UBE3C: variants seen among roughly 807,000 people sequenced by gnomAD.
UBE3C encodes the protein ubiquitin protein ligase E3C, also known as ubiquitin-protein ligase E3C.
A neutral mutation model predicts 129.4 loss-of-function variants in UBE3C; 42 were observed. The observed-to-expected ratio is 0.32, with a 90% CI of 0.25 to 0.42. UBE3C has a LOEUF of 0.42. Among genes scored for constraint, UBE3C ranks in the 10% least tolerant of loss-of-function variants. The pLI is 1.00. For missense variants in UBE3C, 1,049 were observed against 1,319.1 expected (o/e 0.80, Z 3.17); for synonymous variants, 510 against 492.4 (o/e 1.04, Z -0.47).
intron 19 of UBE3C, 39 bp downstream of exon 19, chr7:157,248,619 A>G: frequency 1.3e-6 from 2 of 1,593,644 alleles, no homozygotes. Context: ...CCTGTATAGC[A>G]AGTAGCAGCA....
At chr7:157,232,932 T>C (rs2116641594) in intron 18 of UBE3C, among the ~76,000 whole-genome samples, 1 of 152,290 alleles carries the variant, frequency 6.6e-6, no homozygotes, top group Admixed American at 6.5e-5. Context: ...CCTTTTAAAG[T>C]GTACAGTTCA....
chr7:157,231,386 T>C, intron 18 of UBE3C, 59 bp downstream of exon 18: 1 of 1,582,188 alleles, frequency 6.3e-7, no homozygotes, highest in Non-Finnish European at 8.6e-7. Context: ...CATTTTATGT[T>C]TATGTGTGGT....
chr7:157,202,446 C>CAGG (rs2116990217), intron 11 of UBE3C, among the ~76,000 whole-genome samples: 1 of 152,264 alleles, frequency 6.6e-6, no homozygotes, highest in Admixed American at 6.5e-5. Flanking sequence ...CACCTGAGGT[C>CAGG]AGGAGTTCAA....
intron 22 of UBE3C, among the ~76,000 whole-genome samples, chr7:157,264,448 C>T (rs1255685172): frequency 7.3e-6 from 1 of 136,222 alleles, no homozygotes; most frequent in South Asian, 2.4e-4. Context: ...TGTGAGCCAA[C>T]ATGCTCGGCC....
At chr7:157,169,619 G>T (rs1249334548) in intron 3 of UBE3C, among the ~76,000 whole-genome samples, 1 of 151,884 alleles carries the variant, frequency 6.6e-6, no homozygotes, top group Non-Finnish European at 1.5e-5. Flanking sequence ...CAAATGATTC[G>T]CCTGCCTTGG....
intron 11 of UBE3C, among the ~76,000 whole-genome samples, chr7:157,204,492 G>T (rs2116997652): frequency 6.6e-6 from 1 of 151,782 alleles, no homozygotes; most frequent in Non-Finnish European, 1.5e-5. Flanking sequence ...AGCTTATCAG[G>T]TAATCGAGGT....
At chr7:157,181,873 T>C (rs1196041008) in intron 7 of UBE3C, among the ~76,000 whole-genome samples, 1 of 152,238 alleles carries the variant, frequency 6.6e-6, no homozygotes, top group African/African-American at 2.4e-5. Flanking sequence ...AACATGGTTA[T>C]TTTCCTGCTT....
chr7:157,215,855 A>T (rs1203884826), intron 13 of UBE3C, among the ~76,000 whole-genome samples: 4 of 152,332 alleles, frequency 2.6e-5, no homozygotes, highest in Admixed American at 2.0e-4. Context: ...ATGCTATTAT[A>T]TCTCTTTAAT....
chr7:157,167,613 C>G (rs1398306755), intron 2 of UBE3C, among the ~76,000 whole-genome samples: 1 of 152,008 alleles, frequency 6.6e-6, no homozygotes, highest in Non-Finnish European at 1.5e-5. Flanking sequence ...TCTCGGCTCA[C>G]TGCAAGCTCC....
chr7:157,160,312 C>T (rs534771711), intron 1 of UBE3C, among the ~76,000 whole-genome samples: 7 of 152,142 alleles, frequency 4.6e-5, no homozygotes, highest in East Asian at 1.9e-4. Flanking sequence ...TGACCTCAGG[C>T]GATCTGCCGG....
At chr7:157,257,850 T>C (rs1796794045) in intron 22 of UBE3C, among the ~76,000 whole-genome samples, 1 of 151,436 alleles carries the variant, frequency 6.6e-6, no homozygotes, top group Non-Finnish European at 1.5e-5. Flanking sequence ...CACACAGTGG[T>C]ATATATATTA....
chr7:157,250,087 G>A (rs1796584080), intron 19 of UBE3C, among the ~76,000 whole-genome samples: 2 of 152,228 alleles, frequency 1.3e-5, no homozygotes, highest in African/African-American at 4.8e-5. Context: ...TGTGTGGTGA[G>A]AACAGGGGCA....
At chr7:157,229,419 A>T (rs1795962525) in intron 17 of UBE3C, among the ~76,000 whole-genome samples, 2 of 151,938 alleles carry the variant, frequency 1.3e-5, no homozygotes, top group Non-Finnish European at 2.9e-5. Context: ...GGTTCAAGCG[A>T]TTCTCCTGCC....
Position 157,170,301 on chromosome 7 carries a change from C to T in UBE3C, c.196-3C>T. The T allele has an allele frequency of 6.8e-7, 1 of 1,480,416 alleles. No homozygotes were observed. The highest frequency in any genetic ancestry group is 9.0e-7 in the Non-Finnish European group (1 of 1,116,008). The allele number at this position is 1,480,416 out of a possible 1,614,324, so 91.7% of individuals were successfully genotyped here. A position where few individuals can be genotyped will look rare whatever the true frequency, so the allele number is the denominator to read the frequency against. ...GGGTCATTTTGTTTTGTTTTTCTTC[C>T]AGTATTCCATCCAAAGAAGTGCATT... On this transcript the variant is annotated splice_polypyrimidine_tract_variant and splice_region_variant and intron_variant, in intron 3 of 22. Coordinates refer to ENST00000348165, the MANE Select transcript of UBE3C (RefSeq NM_014671.3).
At chr7:157,224,998 G>A (rs980417304) in intron 16 of UBE3C, among the ~76,000 whole-genome samples, 19 of 151,824 alleles carry the variant, frequency 1.3e-4, no homozygotes, top group Admixed American at 1.1e-3. Context: ...ATATTCTATC[G>A]CAAGGGGTTT....
intron 10 of UBE3C, among the ~76,000 whole-genome samples, chr7:157,200,906 G>A (rs1586683739): frequency 1.3e-5 from 2 of 152,142 alleles, no homozygotes; most frequent in African/African-American, 2.4e-5. Context: ...ATGAGCCACC[G>A]TGCCTGGCCT....
At chr7:157,217,226 A>C (rs541940288) in intron 14 of UBE3C, 106 of 300,536 alleles carry the variant, frequency 3.5e-4, no homozygotes, top group African/African-American at 2.0e-3. Flanking sequence ...TTAAAGCCTT[A>C]ATGATTCTTT....
chr7:157,269,311 T>TA lies in UBE3C; in HGVS notation c.*1557dup, dbSNP rs1797163193. ...GTTTTTTTCTCAGCTATTCTGAGCT[T>TA]ATTTATTTATTTGTATGTTCTAATG... On this transcript the variant is annotated 3_prime_UTR_variant, in exon 23 of 23. Coordinates refer to ENST00000348165, the MANE Select transcript of UBE3C (RefSeq NM_014671.3). 1 of 152,316 alleles carries TA rather than the reference T, an allele frequency of 6.6e-6. No individual in the cohort carries two copies. Among genetic ancestry groups the TA allele is most frequent in the Non-Finnish European group, 1.5e-5 (1 of 68,026 alleles). The allele number at this position is 152,316 out of a possible 1,614,324, so 9.4% of individuals were successfully genotyped here.
chr7:157,192,516 T>A (rs972408357), intron 10 of UBE3C: 1 of 761,646 alleles, frequency 1.3e-6, no homozygotes, highest in African/African-American at 1.7e-5. Context: ...GGCAAGCAAC[T>A]GGAAGATGGA....
Sources: gnomAD v4.1 joint callset for allele counts (sites outside exome capture counted in the v4.1 genomes callset) on GRCh38, gnomAD v4.1.1 for gene constraint, MANE v1.5 for transcripts, NCBI Gene and HGNC (gene_info 2026-07-23, HGNC 2026-07-21) for gene names.